The following GPC5 variants were observed in gnomAD, a reference collection of about 807,000 sequenced individuals.
The protein encoded by GPC5 is glypican 5.
GPC5 carries 47 observed loss-of-function variants against 53.9 expected under a neutral mutation model. The observed-to-expected ratio is 0.87, with a 90% CI of 0.69 to 1.11. The LOEUF (loss-of-function observed/expected upper bound fraction) is 1.11, where lower values mean the gene tolerates loss of function less well. Among genes scored for constraint, GPC5 ranks in the 50% most tolerant of loss-of-function variants. The pLI, the probability that GPC5 is intolerant of heterozygous loss-of-function variation, is 0.00. For missense variants in GPC5, 748 were observed against 713.1 expected (o/e 1.05, Z -0.56); for synonymous variants, 286 against 263.3 (o/e 1.09, Z -0.84).
intron 5 of GPC5, among the ~76,000 whole-genome samples, chr13:91,784,666 G>A (rs1045653294): frequency 2.7e-5 from 4 of 150,486 alleles, no homozygotes; most frequent in Admixed American, 6.6e-5. Flanking sequence ...GGAGGTTGCC[G>A]TGAGCTGAGA....
chr13:91,582,869 T>C (rs1158687700), intron 2 of GPC5, among the ~76,000 whole-genome samples: 1 of 152,066 alleles, frequency 6.6e-6, no homozygotes, highest in East Asian at 1.9e-4. Context: ...AAAAATTATC[T>C]GGGCATGGTG....
At chr13:92,852,599 C>A (rs1209629083) in intron 7 of GPC5, among the ~76,000 whole-genome samples, 1 of 152,108 alleles carries the variant, frequency 6.6e-6, no homozygotes, top group Non-Finnish European at 1.5e-5. Context: ...GAGATGGGAT[C>A]TCACTCTGTT....
chr13:92,831,964 G>A (rs1006324033), intron 7 of GPC5, among the ~76,000 whole-genome samples: 1 of 152,104 alleles, frequency 6.6e-6, no homozygotes, highest in Non-Finnish European at 1.5e-5. Flanking sequence ...ATCCATTAAT[G>A]TACAGGTATA....
intron 5 of GPC5, among the ~76,000 whole-genome samples, chr13:91,901,170 T>A (rs1468655934): frequency 6.6e-6 from 1 of 152,030 alleles, no homozygotes; most frequent in Non-Finnish European, 1.5e-5. Context: ...ACAATAAAGA[T>A]CATAATAAGC....
At chr13:91,669,419 T>C (rs2035193052) in intron 2 of GPC5, among the ~76,000 whole-genome samples, 2 of 152,160 alleles carry the variant, frequency 1.3e-5, no homozygotes, top group Non-Finnish European at 2.9e-5. Context: ...TTGCTAAGGG[T>C]TGATCAGGGG....
chr13:91,663,234 C>T (rs2035027666), intron 2 of GPC5, among the ~76,000 whole-genome samples: 1 of 152,096 alleles, frequency 6.6e-6, no homozygotes, highest in Non-Finnish European at 1.5e-5. Flanking sequence ...CATAAGATTC[C>T]TAATATTTTG....
intron 7 of GPC5, among the ~76,000 whole-genome samples, chr13:92,720,796 T>C (rs970917875): frequency 1.3e-5 from 2 of 152,132 alleles, no homozygotes; most frequent in Non-Finnish European, 2.9e-5. Flanking sequence ...GGCAAACTTG[T>C]GCAAAGGGTG....
At chr13:92,757,574 C>T (rs968011353) in intron 7 of GPC5, among the ~76,000 whole-genome samples, 7 of 152,090 alleles carry the variant, frequency 4.6e-5, no homozygotes, top group African/African-American at 1.7e-4. Context: ...ATTTTTGCAT[C>T]CTACTCATCT....
At chr13:91,474,333 T>C (rs1405958191) in intron 2 of GPC5, among the ~76,000 whole-genome samples, 1 of 152,158 alleles carries the variant, frequency 6.6e-6, no homozygotes, top group East Asian at 1.9e-4. Flanking sequence ...TTCTTGTCTT[T>C]AGAGGATATT....
intron 5 of GPC5, among the ~76,000 whole-genome samples, chr13:91,897,109 A>T (rs1377921331): frequency 6.6e-6 from 1 of 151,860 alleles, no homozygotes; most frequent in Non-Finnish European, 1.5e-5. Flanking sequence ...TTATGATTCC[A>T]CAGACCATAA....
At chr13:92,840,853 T>C (rs2138833265) in intron 7 of GPC5, among the ~76,000 whole-genome samples, 1 of 152,194 alleles carries the variant, frequency 6.6e-6, no homozygotes, top group Middle Eastern at 3.4e-3. Flanking sequence ...TATTTTATTC[T>C]TTTTCATGGT....
Position 92,866,451 on chromosome 13 carries a change from T to C in GPC5, c.*12T>C, listed in dbSNP as rs374970693. The C allele has an allele frequency of 1.1e-5, 17 of 1,582,570 alleles. No individual in the cohort carries two copies. Among genetic ancestry groups the C allele is most frequent in the Non-Finnish European group, 1.5e-5 (17 of 1,160,526 alleles). On this transcript the variant is annotated 3_prime_UTR_variant, in exon 8 of 8. Transcript: ENST00000377067. Reference sequence around the variant, plus strand: ...CCGGGATTTGGTAACTGAACTCTTCTGTCCTGACATACCTTACTGAAGTCT... The same window carrying C: ...CCGGGATTTGGTAACTGAACTCTTCCGTCCTGACATACCTTACTGAAGTCT...
intron 7 of GPC5, among the ~76,000 whole-genome samples, chr13:92,189,490 C>A (rs1369503518): frequency 2.0e-5 from 3 of 152,130 alleles, no homozygotes; most frequent in African/African-American, 7.2e-5. Flanking sequence ...AAATATTAGA[C>A]TGTAGAACAA....
intron 7 of GPC5, among the ~76,000 whole-genome samples, chr13:92,434,441 A>G (rs1007356097): frequency 6.6e-6 from 1 of 152,174 alleles, no homozygotes; most frequent in African/African-American, 2.4e-5. Context: ...ATAGTCCTAT[A>G]TACTACAAGA....
chr13:91,662,492 T>C (rs551161175), intron 2 of GPC5, among the ~76,000 whole-genome samples: 2 of 152,288 alleles, frequency 1.3e-5, no homozygotes, highest in African/African-American at 4.8e-5. Flanking sequence ...CTTGAGTAAT[T>C]TTGATACAAA....
intron 5 of GPC5, among the ~76,000 whole-genome samples, chr13:91,897,113 A>T (rs1407834439): frequency 6.6e-6 from 1 of 152,052 alleles, no homozygotes; most frequent in Non-Finnish European, 1.5e-5. Flanking sequence ...GATTCCACAG[A>T]CCATAAAATG....
chr13:92,838,071 T>A (rs933722615), intron 7 of GPC5, among the ~76,000 whole-genome samples: 10 of 147,782 alleles, frequency 6.8e-5, no homozygotes, highest in African/African-American at 2.5e-4. Flanking sequence ...AGAGCAAAAC[T>A]TCGTCTCAAA....
chr13:92,132,066 TA>T (rs1414188511), intron 6 of GPC5, among the ~76,000 whole-genome samples: 1 of 152,082 alleles, frequency 6.6e-6, no homozygotes, highest in Non-Finnish European at 1.5e-5. Flanking sequence ...ATTGATATAA[TA>T]GAATAAAATA....
chr13:92,216,038 G>T (rs1482584701), intron 7 of GPC5, among the ~76,000 whole-genome samples: 1 of 152,120 alleles, frequency 6.6e-6, no homozygotes, highest in African/African-American at 2.4e-5. Flanking sequence ...CTAGGCACAA[G>T]CTCCCTAAAC....
Sources: allele counts gnomAD v4.1 joint callset (sites outside exome capture counted in the v4.1 genomes callset), GRCh38; gene constraint gnomAD v4.1.1; transcripts MANE v1.5; gene names NCBI Gene and HGNC (gene_info 2026-07-23, HGNC 2026-07-21).